Variants in CELF2 observed in about 807,000 individuals in gnomAD.
The protein encoded by CELF2 is CUGBP Elav-like family member 2.
A neutral mutation model predicts 62.6 loss-of-function variants in CELF2; 8 were observed. The observed-to-expected ratio is 0.13, with a 90% CI of 0.07 to 0.23. The LOEUF (loss-of-function observed/expected upper bound fraction) is 0.23. Ranked by LOEUF, CELF2 falls within the 10% of genes least tolerant of loss-of-function variation. CELF2 has a pLI of 1.00. For synonymous variants in CELF2, 258 were observed against 250.0 expected (o/e 1.03, Z -0.30); for missense variants, 333 against 671.0 (o/e 0.50, Z 5.56).
At chr10:10,747,691 A>G in the CELF2 span, among the ~76,000 whole-genome samples, 2 of 152,150 alleles carry the variant, frequency 1.3e-5, no homozygotes, top group East Asian at 1.9e-4. Context: ...GCCATGCTAA[A>G]GAGTCTGGGT....
At chr10:10,641,985 G>C in the CELF2 span, among the ~76,000 whole-genome samples, 12 of 152,266 alleles carry the variant, frequency 7.9e-5, no homozygotes, top group Admixed American at 7.8e-4. Flanking sequence ...AGAGCCTTGA[G>C]ATAAAGGGCA....
chr10:10,694,072 C>A, the CELF2 span, among the ~76,000 whole-genome samples: 8 of 148,154 alleles, frequency 5.4e-5, no homozygotes, highest in Non-Finnish European at 1.2e-4. Context: ...TGTGTTTGCT[C>A]TTGCTTTTCT....
upstream of CELF2, chr10:11,005,291 AGAGG>A (rs1474064194): frequency 7.1e-6 from 11 of 1,553,546 alleles, no homozygotes; most frequent in South Asian, 5.8e-5. The surrounding 1 kb of genome is among the most constrained non-coding windows in gnomAD (Gnocchi z 4.3). Context: ...AGAGAGAGAG[AGAGG>A]GAGGAGAGGG....
rs989692684 is a variant in CELF2 at position 11,237,641 on chromosome 10, G to A, written c.355-11512G>A. Among the ~76,000 whole-genome samples the A allele has an allele frequency of 6.6e-6, 1 of 152,194 alleles. No individual in the cohort carries two copies. Among genetic ancestry groups the A allele is most frequent in the Non-Finnish European group, 1.5e-5 (1 of 68,022 alleles). The stretch of plus-strand genomic sequence containing the variant: ...CTGGGTGAGGGTTACAAGGGAGGCT[G>A]GGGGTCAGCCACTCACTGGCTTTTG... On this transcript the variant is annotated intron_variant, in intron 3 of 12. Transcript: ENST00000633077. This position sits in a 1 kb window ranked among gnomAD's most constrained non-coding sequence, Gnocchi z 4.0.
At chr10:11,292,910 G>T (rs2092703321) in intron 9 of CELF2, among the ~76,000 whole-genome samples, 1 of 152,188 alleles carries the variant, frequency 6.6e-6, no homozygotes, top group African/African-American at 2.4e-5. Flanking sequence ...GGCAACAGGA[G>T]CCTGGAAGAG....
intron 1 of CELF2, among the ~76,000 whole-genome samples, chr10:10,918,870 T>TTGGTC (rs112353876): frequency 0.054 from 8,150 of 152,232 alleles, 588 homozygotes; most frequent in African/African-American, 0.17. Context: ...CTTTAATCCC[T>TTGGTC]TGAAGTTGAG....
chr10:11,133,028 A>G (rs2059851344), intron 1 of CELF2, among the ~76,000 whole-genome samples: 1 of 152,178 alleles, frequency 6.6e-6, no homozygotes, highest in Non-Finnish European at 1.5e-5. Flanking sequence ...CATTGATTAA[A>G]TACTCCTGTT....
At chr10:10,796,220 T>G (rs916585633), upstream of CELF2, among the ~76,000 whole-genome samples, 2 of 152,162 alleles carry the variant, frequency 1.3e-5, no homozygotes, top group African/African-American at 4.8e-5. Context: ...ATGTCTTCAT[T>G]TGCATTAACA....
At chr10:10,889,365 AG>A (rs2061978326) in intron 1 of CELF2, among the ~76,000 whole-genome samples, 1 of 152,196 alleles carries the variant, frequency 6.6e-6, no homozygotes, top group African/African-American at 2.4e-5. Context: ...TTTCTTTTCT[AG>A]GCAGCATGAT....
the CELF2 span, among the ~76,000 whole-genome samples, chr10:10,770,049 A>G: frequency 6.6e-6 from 1 of 152,110 alleles, no homozygotes; most frequent in African/African-American, 2.4e-5. Context: ...CATAAGTAGG[A>G]TTTTGTAGTC....
chr10:10,665,128 A>G, the CELF2 span, among the ~76,000 whole-genome samples: 1 of 152,226 alleles, frequency 6.6e-6, no homozygotes, highest in African/African-American at 2.4e-5. Flanking sequence ...CACTAAGTAC[A>G]GTGAAAACCA....
chr10:11,223,000 C>T (rs957536820), intron 3 of CELF2, among the ~76,000 whole-genome samples: 2 of 152,150 alleles, frequency 1.3e-5, no homozygotes, highest in African/African-American at 4.8e-5. Context: ...AGTTAAAGTC[C>T]TCCCCGTTCT....
At chr10:10,632,643 CA>C in the CELF2 span, among the ~76,000 whole-genome samples, 3 of 152,104 alleles carry the variant, frequency 2.0e-5, no homozygotes, top group African/African-American at 7.2e-5. Flanking sequence ...CATAACATCT[CA>C]AAATCTTCTT....
chr10:10,703,763 G>A, the CELF2 span, among the ~76,000 whole-genome samples: 2 of 152,168 alleles, frequency 1.3e-5, no homozygotes, highest in African/African-American at 4.8e-5. Flanking sequence ...TTACCCCTGA[G>A]TATGAATCCC....
intron 2 of CELF2, among the ~76,000 whole-genome samples, chr10:10,991,708 C>T (rs1259606090): frequency 6.6e-6 from 1 of 152,112 alleles, no homozygotes; most frequent in African/African-American, 2.4e-5. Flanking sequence ...CAGCTGCCCC[C>T]AAAGACTTGA....
At chr10:10,527,703 C>A in the CELF2 span, among the ~76,000 whole-genome samples, 2 of 152,150 alleles carry the variant, frequency 1.3e-5, no homozygotes, top group African/African-American at 4.8e-5. Flanking sequence ...CAGTCATTGC[C>A]TCCAATAGGT....
the CELF2 span, among the ~76,000 whole-genome samples, chr10:10,472,852 A>G: frequency 6.6e-6 from 1 of 151,964 alleles, no homozygotes; most frequent in Non-Finnish European, 1.5e-5. Flanking sequence ...GGTTTCCCCT[A>G]GGCCCATGTA....
chr10:11,038,185 C>T (rs2061275234), intron 1 of CELF2, among the ~76,000 whole-genome samples: 2 of 152,338 alleles, frequency 1.3e-5, no homozygotes, highest in South Asian at 2.1e-4. Context: ...CCAGCCACAC[C>T]AGCAAAGAGG....
chr10:11,173,635 C>T (rs1243718626), intron 2 of CELF2, among the ~76,000 whole-genome samples: 14 of 152,154 alleles, frequency 9.2e-5, no homozygotes. Context: ...GAATTTTCAT[C>T]CTTGGACATA....
Sources: gnomAD v4.1 joint callset for allele counts (sites outside exome capture counted in the v4.1 genomes callset) on GRCh38, gnomAD v4.1.1 for gene constraint, Gnocchi (gnomAD v3.1) non-coding constraint, MANE v1.5 for transcripts, NCBI Gene and HGNC (gene_info 2026-07-23, HGNC 2026-07-21) for gene names.